The following CCDC82 variants were observed in gnomAD, a reference collection of about 807,000 sequenced individuals.
CCDC82 encodes the protein coiled-coil domain-containing protein 82.
Under a neutral mutation model 60.6 loss-of-function variants are expected in CCDC82, and 47 were observed. That is an observed-to-expected ratio of 0.77 (90% CI 0.61 to 0.99). The LOEUF is 0.99. Among genes scored for constraint, CCDC82 ranks in the 50% least tolerant of loss-of-function variants. The pLI, the probability that CCDC82 is intolerant of heterozygous loss-of-function variation, is 0.00. For missense variants in CCDC82, 588 were observed against 633.0 expected, an observed-to-expected ratio of 0.93 and a Z score of 0.76; for synonymous variants, 212 against 207.4, an observed-to-expected ratio of 1.02 and a Z score of -0.19.
chr11:96,386,047 C>A (rs549221347), intron 3 of CCDC82: 1 of 152,240 alleles, frequency 6.6e-6, no homozygotes, highest in Non-Finnish European at 1.5e-5. Context: ...AATCACACTT[C>A]ATTTTTTATC....
chr11:96,367,237 T>G (rs555192657), intron 7 of CCDC82, among the ~76,000 whole-genome samples: 4 of 152,238 alleles, frequency 2.6e-5, no homozygotes, highest in Non-Finnish European at 4.4e-5. Flanking sequence ...TTGCATCCAC[T>G]GACTCTTCCT....
chr11:96,356,637 T>C, intron 9 of CCDC82: 2 of 955,390 alleles, frequency 2.1e-6, no homozygotes, highest in Non-Finnish European at 2.5e-6. Context: ...GAATAAGACA[T>C]GCATTATTAT....
At position 96,383,304 on chromosome 11, in the gene CCDC82, G is replaced by A; in HGVS notation, c.956C>T (p.Thr319Ile). 6.2e-7 allele frequency: 1 copy of A among 1,602,266 alleles called. No homozygotes were observed. Among genetic ancestry groups the A allele is most frequent in the Non-Finnish European group, 8.5e-7 (1 of 1,170,536 alleles). Residue 319 changes from threonine to isoleucine, a missense_variant, in exon 5 of 10, where the codon ACA (threonine) becomes ATA (isoleucine). Thr to Ile is a moderately conservative substitution (Grantham distance 89, BLOSUM62 -1). Coordinates refer to ENST00000646818, the MANE Select transcript of CCDC82 (RefSeq NM_024725.4). ...CTGTTTTACTAATTTCAGTTGTGAT[G>A]TAGTCAATTTTTCTCCTTGTTGGTT... ...NKNQQGEKLT[T>I]SQLKLVKQNS... is the part of the protein sequence containing the mutation.
At chr11:96,364,901 T>C in intron 8 of CCDC82, 79 bp downstream of exon 8, 3 of 1,355,392 alleles carry the variant, frequency 2.2e-6, no homozygotes, top group Middle Eastern at 2.3e-4. Context: ...TGGGTCAAAT[T>C]TTCCTTAGGA....
At position 96,353,642 on chromosome 11, in the gene CCDC82, T is replaced by C; in HGVS notation, c.*4A>G. ...TTTAAAAAATCTTCTCTGATGGAAA[T>C]GTGTTACAACTCAAACTTCTCTTCT... On this transcript the variant is annotated 3_prime_UTR_variant, in exon 10 of 10. Transcript: ENST00000646818. The C allele has an allele frequency of 6.3e-7, 1 of 1,598,384 alleles. No homozygotes were observed. Among genetic ancestry groups the C allele is most frequent in the Non-Finnish European group, 8.6e-7 (1 of 1,167,938 alleles).
At chr11:96,358,082 C>T (rs1433612354) in intron 9 of CCDC82, 2 of 985,258 alleles carry the variant, frequency 2.0e-6, no homozygotes, top group Non-Finnish European at 2.4e-6. Context: ...GTTTTCTTTC[C>T]ATCTGCCTAA....
chr11:96,375,921 C>T (rs1865546274), intron 5 of CCDC82, among the ~76,000 whole-genome samples: 1 of 152,228 alleles, frequency 6.6e-6, no homozygotes. Context: ...TAGAGCTCAG[C>T]TCTCCTTCAG....
intron 5 of CCDC82, among the ~76,000 whole-genome samples, chr11:96,374,191 A>C (rs751417818): frequency 9.2e-5 from 14 of 152,244 alleles, no homozygotes; most frequent in Non-Finnish European, 5.9e-5. Flanking sequence ...GTCACTGTAG[A>C]ATACATGCCC....
chr11:96,364,876 A>G, intron 8 of CCDC82, 104 bp downstream of exon 8: 2 of 1,051,508 alleles, frequency 1.9e-6, no homozygotes, highest in Non-Finnish European at 2.7e-6. Flanking sequence ...ATTATATGCT[A>G]AAAATGTTTC....
At chr11:96,356,880 G>C (rs1283498464) in intron 9 of CCDC82, 1 of 985,256 alleles carries the variant, frequency 1.0e-6, no homozygotes, top group Admixed American at 6.2e-5. Flanking sequence ...GCAGGTAAGG[G>C]AAAAAGTAAG....
At chr11:96,388,517 GAATA>G (rs1455611585) in intron 1 of CCDC82, 3 of 152,178 alleles carry the variant, frequency 2.0e-5, no homozygotes, top group African/African-American at 7.2e-5. Context: ...ATCTGCCAAA[GAATA>G]TATATTAAAG....
At chr11:96,371,383 C>T (rs1399357307) in intron 6 of CCDC82, among the ~76,000 whole-genome samples, 2 of 152,132 alleles carry the variant, frequency 1.3e-5, no homozygotes, top group East Asian at 3.9e-4. Flanking sequence ...GAGATCGAGA[C>T]CATCCTGGCT....
At chr11:96,359,632 A>C (rs554565958) in intron 8 of CCDC82, among the ~76,000 whole-genome samples, 17 of 125,930 alleles carry the variant, frequency 1.3e-4, no homozygotes, top group Admixed American at 1.3e-3. Flanking sequence ...AGGCAGAAGG[A>C]TGGGCAAAGT....
At chr11:96,362,973 T>C (rs56015144) in intron 8 of CCDC82, among the ~76,000 whole-genome samples, 53,720 of 151,596 alleles carry the variant, frequency 0.35, 9,745 homozygotes, top group Non-Finnish European at 0.4. Context: ...CTTTTCTTTT[T>C]TTTTTTTTTG....
chr11:96,373,500 A>G (rs1296948579), intron 5 of CCDC82, 33 bp from the exon 6 acceptor site: 1 of 1,264,812 alleles, frequency 7.9e-7, no homozygotes, highest in Non-Finnish European at 1.1e-6. Context: ...ATTAGAACAG[A>G]GCAGACAAAA....
intron 7 of CCDC82, among the ~76,000 whole-genome samples, chr11:96,365,761 T>C (rs769059377): frequency 3.9e-5 from 6 of 152,240 alleles, no homozygotes; most frequent in Non-Finnish European, 8.8e-5. Context: ...ATAAGCTTCA[T>C]TATTAAGCTA....
intron 3 of CCDC82, 69 bp from the exon 4 acceptor site, chr11:96,384,830 T>C (rs1866103323): frequency 1.1e-6 from 1 of 936,462 alleles, no homozygotes; most frequent in South Asian, 2.1e-5. Context: ...ATTTATGGTA[T>C]AAATTATATT....
chr11:96,368,585 G>A (rs78911270), intron 7 of CCDC82, among the ~76,000 whole-genome samples: 2 of 152,214 alleles, frequency 1.3e-5, no homozygotes, highest in African/African-American at 2.4e-5. Context: ...CTAGATGGTA[G>A]GCTGGGTGCA....
intron 5 of CCDC82, among the ~76,000 whole-genome samples, chr11:96,373,784 T>C (rs913728263): frequency 2.6e-5 from 4 of 152,310 alleles, no homozygotes; most frequent in Admixed American, 1.3e-4. Flanking sequence ...TATTTAATTA[T>C]CAATTTGACA....
Sources: allele counts gnomAD v4.1 joint callset (sites outside exome capture counted in the v4.1 genomes callset), GRCh38; gene constraint gnomAD v4.1.1; transcripts MANE v1.5; gene names NCBI Gene and HGNC (gene_info 2026-07-23, HGNC 2026-07-21).